LINGO2: variants seen among roughly 807,000 people sequenced by gnomAD.
The protein encoded by LINGO2 is leucine-rich repeat and immunoglobulin-like domain-containing nogo receptor-interacting protein 2.
In LINGO2, 14 loss-of-function variants were observed where a neutral mutation model predicts 30.6. That is an observed-to-expected ratio of 0.46 (90% CI 0.30 to 0.72). The LOEUF (loss-of-function observed/expected upper bound fraction) is 0.72, where lower values mean the gene tolerates loss of function less well. LINGO2 is among the 30% of genes least tolerant of loss of function. The pLI is 0.07. For synonymous variants in LINGO2, 317 were observed against 288.5 expected, an observed-to-expected ratio of 1.10 and a Z score of -1.00; for missense variants, 729 against 751.7, an observed-to-expected ratio of 0.97 and a Z score of 0.35.
the LINGO2 span, among the ~76,000 whole-genome samples, chr9:28,836,827 A>C: frequency 6.6e-6 from 1 of 152,152 alleles, no homozygotes; most frequent in Non-Finnish European, 1.5e-5. Flanking sequence ...ATATAATTCT[A>C]TTTAATAAAA....
the LINGO2 span, among the ~76,000 whole-genome samples, chr9:29,133,431 A>T: frequency 6.6e-6 from 1 of 152,144 alleles, no homozygotes; most frequent in East Asian, 1.9e-4. Context: ...TCTCCTCAGT[A>T]TATTAAAGAA....
chr9:29,070,530 A>G, the LINGO2 span, among the ~76,000 whole-genome samples: 1 of 152,110 alleles, frequency 6.6e-6, no homozygotes, highest in Admixed American at 6.6e-5. Context: ...GAAGAAGGCT[A>G]CCATCGCAGG....
the LINGO2 span, among the ~76,000 whole-genome samples, chr9:28,944,012 T>A: frequency 1.3e-5 from 2 of 152,194 alleles, no homozygotes; most frequent in African/African-American, 2.4e-5. Context: ...CAGCAATAAC[T>A]AAACAAGTAG....
At chr9:29,108,371 T>C in the LINGO2 span, among the ~76,000 whole-genome samples, 2 of 152,120 alleles carry the variant, frequency 1.3e-5, no homozygotes, top group Non-Finnish European at 2.9e-5. Flanking sequence ...TTAAAATAAA[T>C]CAGTGTGGGC....
At chr9:29,176,618 T>C in the LINGO2 span, among the ~76,000 whole-genome samples, 1 of 152,206 alleles carries the variant, frequency 6.6e-6, no homozygotes, top group Non-Finnish European at 1.5e-5. Flanking sequence ...AAAGAGCTTA[T>C]CTAATTACAT....
At chr9:28,052,960 C>CA (rs71837113) in intron 4 of LINGO2, among the ~76,000 whole-genome samples, 4 of 126,708 alleles carry the variant, frequency 3.2e-5, no homozygotes, top group South Asian at 2.2e-4. Context: ...ATTGAGCATC[C>CA]AGTACATGTA....
chr9:27,976,941 G>A (rs1006808275), intron 5 of LINGO2, among the ~76,000 whole-genome samples: 1 of 151,730 alleles, frequency 6.6e-6, no homozygotes, highest in African/African-American at 2.4e-5. Context: ...TTAAATCTAA[G>A]TTTGTTTCTA....
intron 1 of LINGO2, among the ~76,000 whole-genome samples, chr9:28,610,130 G>A (rs906084872): frequency 6.6e-6 from 1 of 152,076 alleles, no homozygotes; most frequent in Non-Finnish European, 1.5e-5. Flanking sequence ...TTCTCCAATA[G>A]TTTGAATTTT....
rs143817348 is a variant in LINGO2, at chr9:28,291,808, A to C, written c.-87+3400T>G. On this transcript the variant is annotated intron_variant, in intron 4 of 5. Transcript: ENST00000379992. ...GAGGAAAATGATGGCAGAATTTCCA[A>C]ATTTGAGAAAAAGTAATTCAACTTG... is the stretch of plus-strand genomic sequence containing the variant. Among the ~76,000 whole-genome samples the C allele has an allele frequency of 6.6e-5, 10 of 152,342 alleles. No individual in the cohort carries two copies. In the East Asian group the frequency reaches 1.9e-3, roughly 29 times the overall value.
chr9:28,493,224 T>A (rs1013563737), intron 1 of LINGO2, among the ~76,000 whole-genome samples: 2 of 152,186 alleles, frequency 1.3e-5, no homozygotes, highest in African/African-American at 4.8e-5. Flanking sequence ...TTTGCCTTTT[T>A]GTCCTAAAGG....
intron 1 of LINGO2, among the ~76,000 whole-genome samples, chr9:28,634,109 C>A (rs988849615): frequency 6.6e-6 from 1 of 152,104 alleles, no homozygotes; most frequent in Non-Finnish European, 1.5e-5. Context: ...AGCAAATGTA[C>A]AAAGAACAAC....
At chr9:28,400,482 A>T (rs1428383541) in intron 2 of LINGO2, among the ~76,000 whole-genome samples, 1 of 152,164 alleles carries the variant, frequency 6.6e-6, no homozygotes, top group East Asian at 1.9e-4. Context: ...TACCCAAAAG[A>T]CCTAGTTGTA....
the LINGO2 span, among the ~76,000 whole-genome samples, chr9:29,028,789 T>C: frequency 3.9e-5 from 6 of 152,130 alleles, no homozygotes; most frequent in African/African-American, 1.2e-4. Context: ...TAGGTAGACA[T>C]GGGCTTAAGG....
the LINGO2 span, among the ~76,000 whole-genome samples, chr9:29,080,184 T>C: frequency 6.6e-6 from 1 of 152,270 alleles, no homozygotes; most frequent in East Asian, 1.9e-4. Flanking sequence ...AGGGGGTATG[T>C]GACCAGGAAT....
the LINGO2 span, among the ~76,000 whole-genome samples, chr9:29,205,612 T>C: frequency 6.6e-6 from 1 of 152,216 alleles, no homozygotes; most frequent in African/African-American, 2.4e-5. Context: ...AGAGTTTATA[T>C]AGATCTGGTA....
At chr9:28,885,352 T>TACACACACACAC in the LINGO2 span, among the ~76,000 whole-genome samples, 530 of 17,962 alleles carry the variant, frequency 0.03, 1 homozygote, top group Admixed American at 0.066. Context: ...CAGGGAGATA[T>TACACACACACAC]ATATATATAC....
At chr9:28,698,563 G>A in the LINGO2 span, among the ~76,000 whole-genome samples, 3 of 151,934 alleles carry the variant, frequency 2.0e-5, no homozygotes, top group Non-Finnish European at 4.4e-5. Flanking sequence ...GCAACATAAT[G>A]AAATTCTACA....
the LINGO2 span, among the ~76,000 whole-genome samples, chr9:29,142,103 C>T: frequency 6.6e-6 from 1 of 151,844 alleles, no homozygotes; most frequent in Non-Finnish European, 1.5e-5. Flanking sequence ...GCAGAATACA[C>T]ATTTTTCTCA....
Position 28,166,005 on chromosome 9 carries a change from G to A in LINGO2, c.-87+129203C>T, listed in dbSNP as rs544487515. Among the ~76,000 whole-genome samples the A allele has an allele frequency of 1.2e-3, 186 of 152,262 alleles. 1 individual carries two copies. Among genetic ancestry groups the A allele is most frequent in the African/African-American group, 4.4e-3 (182 of 41,548 alleles). ...ACATCAATAATATACCCTCTACTGT[G>A]TAGACATCACAGTATATCTGGGTAT... is the stretch of plus-strand genomic sequence containing the variant. On this transcript the variant is annotated intron_variant, in intron 4 of 5. Transcript: ENST00000379992.
Sources: gnomAD v4.1 joint callset for allele counts (sites outside exome capture counted in the v4.1 genomes callset) on GRCh38, gnomAD v4.1.1 for gene constraint, MANE v1.5 for transcripts, NCBI Gene and HGNC (gene_info 2026-07-23, HGNC 2026-07-21) for gene names.